The following GLDC variants were observed in gnomAD, a reference collection of about 807,000 sequenced individuals.
The protein encoded by GLDC is glycine decarboxylase.
A neutral mutation model predicts 121.3 loss-of-function variants in GLDC; 104 were observed. That is an observed-to-expected ratio of 0.86 (90% CI 0.73 to 1.01). The LOEUF is 1.01. GLDC is among the 50% of genes least tolerant of loss of function. GLDC has a pLI of 0.00. For missense variants in GLDC, 1,429 were observed against 1,306.6 expected, an observed-to-expected ratio of 1.09 and a Z score of -1.44; for synonymous variants, 546 against 480.6, an observed-to-expected ratio of 1.14 and a Z score of -1.78.
chr9:6,585,588 A>G (rs1160379231), intron 15 of GLDC, among the ~76,000 whole-genome samples: 1 of 152,134 alleles, frequency 6.6e-6, no homozygotes, highest in African/African-American at 2.4e-5. Flanking sequence ...TTGTTTTTAC[A>G]AAGTAAATGG....
In GLDC at chr9:6,536,067, C is replaced by A. The variant is rs371186899; in HGVS notation, c.2835G>T (p.Leu945=). The A allele has an allele frequency of 1.9e-6, 3 of 1,612,780 alleles. No individual in the cohort carries two copies. The African/African-American group carries it at 4.0e-5, about 22-fold the overall frequency. The change falls in exon 23 of 25, where the codon CTG becomes CTT. Residue 945 remains leucine, a synonymous_variant. Coordinates refer to ENST00000321612, the MANE Select transcript of GLDC (RefSeq NM_000170.3). ...EGRIDPRVNP[L]KMSPHSLTCV... is the part of the protein sequence containing the mutation. ...CAATGTTCCAGGGCCTACGCACCTT[C>A]AGCGGATTGACCCTGGGGTCGATGC...
intron 2 of GLDC, among the ~76,000 whole-genome samples, chr9:6,626,763 G>C (rs1026096248): frequency 3.9e-5 from 6 of 152,178 alleles, no homozygotes; most frequent in South Asian, 2.1e-4. Context: ...CCTTGCGAGA[G>C]AGCCCTGACT....
intron 16 of GLDC, among the ~76,000 whole-genome samples, chr9:6,564,732 G>A (rs981506750): frequency 1.3e-5 from 2 of 152,196 alleles, no homozygotes; most frequent in Non-Finnish European, 2.9e-5. Flanking sequence ...CTGCCCCTGG[G>A]GGGAGCGAGT....
intron 8 of GLDC, among the ~76,000 whole-genome samples, chr9:6,599,345 C>A (rs1054671897): frequency 6.6e-6 from 1 of 152,084 alleles, no homozygotes; most frequent in African/African-American, 2.4e-5. Context: ...AAGACAGGAG[C>A]AGTCAGCTGC....
intron 2 of GLDC, among the ~76,000 whole-genome samples, chr9:6,630,102 T>C (rs766463033): frequency 6.6e-6 from 1 of 150,966 alleles, no homozygotes; most frequent in Non-Finnish European, 1.5e-5. Flanking sequence ...CCTGTATATA[T>C]TTTTGTGCTT....
At chr9:6,638,680 A>C (rs1168279946) in intron 2 of GLDC, among the ~76,000 whole-genome samples, 2 of 152,136 alleles carry the variant, frequency 1.3e-5, no homozygotes. Flanking sequence ...AGAAGGTAAG[A>C]TGTAAGCCCC....
intron 21 of GLDC, among the ~76,000 whole-genome samples, chr9:6,548,783 G>C (rs779140404): frequency 3.9e-5 from 6 of 152,252 alleles, no homozygotes; most frequent in East Asian, 3.9e-4. Context: ...CTTGTACCTG[G>C]TTCTCAGTTC....
chr9:6,606,217 G>T (rs959720645), intron 5 of GLDC: 4 of 278,748 alleles, frequency 1.4e-5, no homozygotes, highest in Non-Finnish European at 2.7e-5. Context: ...GCTGAGGCAG[G>T]ACAATGGCGT....
intron 2 of GLDC, among the ~76,000 whole-genome samples, chr9:6,639,795 C>CT (rs1001471577): frequency 1.3e-5 from 2 of 151,768 alleles, no homozygotes; most frequent in African/African-American, 2.4e-5. Flanking sequence ...AACTAACCCG[C>CT]TTACTTAGAA....
chr9:6,621,805 C>A (rs1458692528), intron 2 of GLDC, among the ~76,000 whole-genome samples: 1 of 152,056 alleles, frequency 6.6e-6, no homozygotes, highest in Non-Finnish European at 1.5e-5. Context: ...CGTGAGCCAC[C>A]GCGCCCTGCC....
rs2129877471 is a variant in GLDC at position 6,599,785 on chromosome 9, G to C, written c.1155+2324C>G. ...AAAGATCAGCTTGCTGTTCAACAGAGGAAAAGCCTGTGCCAACCACCTTTC... is the reference window on the plus strand; with the variant it reads ...AAAGATCAGCTTGCTGTTCAACAGACGAAAAGCCTGTGCCAACCACCTTTC... On this transcript the variant is annotated intron_variant, in intron 8 of 24. Coordinates refer to ENST00000321612, the MANE Select transcript of GLDC (RefSeq NM_000170.3). 3.3e-5 allele frequency among the ~76,000 whole-genome samples: 5 copies of C among 151,714 alleles called. 1 individual carries two copies. In the South Asian group the frequency reaches 1.0e-3, roughly 32 times the overall value.
chr9:6,635,731 C>T (rs976544845), intron 2 of GLDC, among the ~76,000 whole-genome samples: 5 of 151,812 alleles, frequency 3.3e-5, no homozygotes, highest in Non-Finnish European at 5.9e-5. Context: ...AAAAAATTAG[C>T]CAGGTGCTGT....
chr9:6,614,331 C>A (rs1383133001), intron 3 of GLDC, among the ~76,000 whole-genome samples: 1 of 152,040 alleles, frequency 6.6e-6, no homozygotes, highest in Non-Finnish European at 1.5e-5. Flanking sequence ...ACCTCCTGGG[C>A]TCAAGCAATC....
At chr9:6,639,527 G>A (rs1479635129) in intron 2 of GLDC, 9 of 799,336 alleles carry the variant, frequency 1.1e-5, no homozygotes, top group Non-Finnish European at 4.4e-6. Flanking sequence ...CCCTGATTCG[G>A]CCTGATGGAG....
intron 2 of GLDC, among the ~76,000 whole-genome samples, chr9:6,624,048 A>G (rs1029151298): frequency 1.3e-5 from 2 of 152,248 alleles, no homozygotes; most frequent in African/African-American, 4.8e-5. Flanking sequence ...GCCTTTGGAA[A>G]TAAAGCTGGA....
chr9:6,571,023 C>T (rs1817955490), intron 15 of GLDC, among the ~76,000 whole-genome samples: 1 of 151,988 alleles, frequency 6.6e-6, no homozygotes, highest in African/African-American at 2.4e-5. Flanking sequence ...TCTATAGCAT[C>T]CAGCATACAG....
chr9:6,566,219 G>A (rs1179983013), intron 15 of GLDC, among the ~76,000 whole-genome samples: 1 of 152,154 alleles, frequency 6.6e-6, no homozygotes, highest in Non-Finnish European at 1.5e-5. Context: ...CTCCAACCTG[G>A]GTGACAGAGT....
At chr9:6,584,858 T>A (rs992194749) in intron 15 of GLDC, among the ~76,000 whole-genome samples, 1 of 152,196 alleles carries the variant, frequency 6.6e-6, no homozygotes, top group South Asian at 2.1e-4. Flanking sequence ...GAAGATCTCT[T>A]ACCCTCTGCA....
intron 21 of GLDC, chr9:6,542,172 G>A (rs931753555): frequency 2.6e-5 from 4 of 152,284 alleles, no homozygotes; most frequent in African/African-American, 7.2e-5. Flanking sequence ...CCCGGGAGTC[G>A]GAGGTTGCAG....
Sources: allele counts gnomAD v4.1 joint callset (sites outside exome capture counted in the v4.1 genomes callset), GRCh38; gene constraint gnomAD v4.1.1; transcripts MANE v1.5; gene names NCBI Gene and HGNC (gene_info 2026-07-23, HGNC 2026-07-21).